The following KCNG2 variants were observed in gnomAD, a reference collection of about 807,000 sequenced individuals.
KCNG2 encodes voltage-gated potassium channel regulatory subunit KCNG2.
A neutral mutation model predicts 12.3 loss-of-function variants in KCNG2; 7 were observed. The ratio of observed to expected loss-of-function variants is 0.57; its 90% CI spans 0.32 to 1.07. The LOEUF is 1.07. KCNG2 is among the 50% of genes least tolerant of loss of function. The pLI, the probability that KCNG2 is intolerant of heterozygous loss-of-function variation, is 0.04. For missense variants in KCNG2, 703 were observed against 726.0 expected, an observed-to-expected ratio of 0.97 and a Z score of 0.36; for synonymous variants, 414 against 351.4, an observed-to-expected ratio of 1.18 and a Z score of -1.99.
At chr18:79,872,911 TG>T (rs1404565583) in intron 3 of KCNG2, among the ~76,000 whole-genome samples, 1 of 151,742 alleles carries the variant, frequency 6.6e-6, no homozygotes, top group African/African-American at 2.4e-5. Flanking sequence ...TGTGGCCCCC[TG>T]TGTGGCGGCC....
chr18:79,854,751 G>C (rs915234462), intron 1 of KCNG2, among the ~76,000 whole-genome samples: 2 of 152,140 alleles, frequency 1.3e-5, no homozygotes, highest in Non-Finnish European at 2.9e-5. Flanking sequence ...CTGACCACGT[G>C]ATCCGCCCGC....
intron 1 of KCNG2, among the ~76,000 whole-genome samples, chr18:79,832,111 G>A (rs891787994): frequency 3.3e-5 from 5 of 152,118 alleles, no homozygotes; most frequent in African/African-American, 7.2e-5. Flanking sequence ...AGCCTACTCC[G>A]AGGTACATCT....
At chr18:79,876,710 C>G (rs1056881241) in intron 3 of KCNG2, among the ~76,000 whole-genome samples, 5 of 152,240 alleles carry the variant, frequency 3.3e-5, no homozygotes, top group African/African-American at 1.2e-4. Context: ...CCCTTGGCAC[C>G]GTGAGCACTT....
chr18:79,890,388 T>C (rs1157616056), intron 3 of KCNG2, among the ~76,000 whole-genome samples: 3 of 152,300 alleles, frequency 2.0e-5, no homozygotes, highest in Admixed American at 6.5e-5. Flanking sequence ...TATTGTGTGA[T>C]GCTGAGGTTT....
At chr18:79,851,695 GTGAA>G (rs1408199708) in intron 1 of KCNG2, among the ~76,000 whole-genome samples, 1 of 149,598 alleles carries the variant, frequency 6.7e-6, no homozygotes, top group Non-Finnish European at 1.5e-5. Flanking sequence ...GTATGCCTGT[GTGAA>G]TGTATGTGTG....
At chr18:79,866,778 A>G (rs112211376) in intron 3 of KCNG2, among the ~76,000 whole-genome samples, 1,305 of 67,944 alleles carry the variant, frequency 0.019, 66 homozygotes, top group Non-Finnish European at 0.025. Flanking sequence ...AGAGGTCTGT[A>G]TGCTGAGAGG....
intron 3 of KCNG2, among the ~76,000 whole-genome samples, chr18:79,883,866 G>A (rs1980414860): frequency 6.6e-6 from 1 of 152,174 alleles, no homozygotes; most frequent in Non-Finnish European, 1.5e-5. Flanking sequence ...GCCCGTCATG[G>A]CGGCTGCAGC....
intron 3 of KCNG2, among the ~76,000 whole-genome samples, chr18:79,867,733 C>T (rs777910525): frequency 3.2e-4 from 49 of 152,086 alleles, no homozygotes; most frequent in Non-Finnish European, 6.3e-4. Flanking sequence ...CTGCGTTTTC[C>T]GATGGCCACA....
At chr18:79,828,796 C>T (rs1599376262) in intron 1 of KCNG2, among the ~76,000 whole-genome samples, 1 of 99,498 alleles carries the variant, frequency 1.0e-5, no homozygotes, top group African/African-American at 4.2e-5. Flanking sequence ...GTGCATGTGT[C>T]TGTGTGTGGG....
intron 1 of KCNG2, among the ~76,000 whole-genome samples, chr18:79,832,806 A>C (rs755376904): frequency 6.6e-6 from 1 of 152,156 alleles, no homozygotes; most frequent in Non-Finnish European, 1.5e-5. Context: ...ACATGCTTCA[A>C]CGTGTTCTCA....
chr18:79,899,298 G>T lies in KCNG2; in HGVS notation c.883G>T (p.Val295Leu). 6.4e-7 allele frequency: 1 copy of T among 1,564,478 alleles called. No individual in the cohort carries two copies. The highest frequency in any genetic ancestry group is 1.2e-5 in the South Asian group (1 of 85,994). The change falls in exon 4 of 4, where the codon GTG becomes TTG. Residue 295 changes from valine (V) to leucine (L), a missense_variant. Physicochemically the swap from Val to Leu is conservative, Grantham distance 32. Transcript: ENST00000316249. ...GCTGCGGCTGCTGCGTGCGCTGCGC[G>T]TGCTCTACGTGATGCGCCTGGCGCG... ...LVLRLLRALR[V>L]LYVMRLARHS... is the part of the protein sequence containing the mutation.
At chr18:79,898,303 G>A (rs1030394192) in intron 3 of KCNG2, among the ~76,000 whole-genome samples, 3 of 152,210 alleles carry the variant, frequency 2.0e-5, no homozygotes, top group African/African-American at 4.8e-5. Flanking sequence ...CTCTCTAGGA[G>A]CTGAGAGCTT....
At chr18:79,813,134 G>A (rs1484819798) in intron 1 of KCNG2, among the ~76,000 whole-genome samples, 1 of 152,238 alleles carries the variant, frequency 6.6e-6, no homozygotes, top group Non-Finnish European at 1.5e-5. Context: ...CAGCCTGGGT[G>A]AGAGGGTGAG....
intron 1 of KCNG2, among the ~76,000 whole-genome samples, chr18:79,819,744 AC>A (rs2087557348): frequency 6.6e-6 from 1 of 152,216 alleles, no homozygotes; most frequent in Non-Finnish European, 1.5e-5. Flanking sequence ...TTTCAAGTGG[AC>A]AGTTCAGTAG....
chr18:79,847,517 G>A (rs9956512), intron 1 of KCNG2, among the ~76,000 whole-genome samples: 20,048 of 152,216 alleles, frequency 0.13, 1,440 homozygotes, highest in Middle Eastern at 0.16. Context: ...TGGAAGCCTT[G>A]GTGGGTCTTG....
intron 1 of KCNG2, among the ~76,000 whole-genome samples, chr18:79,846,514 T>C (rs529086179): frequency 2.2e-4 from 34 of 152,108 alleles, no homozygotes; most frequent in African/African-American, 8.2e-4. Flanking sequence ...GGAATGATGC[T>C]AATATTACTC....
In KCNG2 at chr18:79,846,824, G is replaced by A. The variant is rs114825638; in HGVS notation, c.-114-9555G>A. ...GTCGCATGGCCCTGTTTGTGAACCC[G>A]TGTCACCGCCGAGGTTAACAGTTCC... On this transcript the variant is annotated intron_variant, in intron 1 of 3. Transcript: ENST00000316249. Among the ~76,000 whole-genome samples, 823 of 152,268 alleles carry A rather than the reference G, an allele frequency of 5.4e-3. 8 individuals are homozygous for A. The highest frequency in any genetic ancestry group is 0.019 in the African/African-American group (777 of 41,554).
chr18:79,860,872 G>A (rs1979188667), intron 2 of KCNG2, among the ~76,000 whole-genome samples: 1 of 152,150 alleles, frequency 6.6e-6, no homozygotes, highest in South Asian at 2.1e-4. Context: ...ATGAGAGCAG[G>A]TATTTCAGTC....
rs907482279 is a variant in KCNG2 at position 79,797,971 on chromosome 18, G to A, written c.-158G>A. Among the ~76,000 whole-genome samples the A allele has an allele frequency of 1.3e-4, 20 of 151,874 alleles. No homozygotes were observed. The highest frequency in any genetic ancestry group is 3.9e-4 in the Admixed American group (6 of 15,276). ...CGCGCTCCGCCCCGAGGAGGCCGCCGGCCGGGTAAGCGGAGCCCGGAGCTC... is the reference window on the plus strand; with the variant it reads ...CGCGCTCCGCCCCGAGGAGGCCGCCAGCCGGGTAAGCGGAGCCCGGAGCTC... On this transcript the variant is annotated 5_prime_UTR_variant, in exon 1 of 4. Transcript: ENST00000316249.
Sources: gnomAD v4.1 joint callset for allele counts (sites outside exome capture counted in the v4.1 genomes callset) on GRCh38, gnomAD v4.1.1 for gene constraint, MANE v1.5 for transcripts, NCBI Gene and HGNC (gene_info 2026-07-23, HGNC 2026-07-21) for gene names.